Variants in KICS2 observed in about 807,000 individuals in gnomAD.
KICS2 encodes KICSTOR subunit 2.
KICS2 carries 13 observed loss-of-function variants against 31.4 expected under a neutral mutation model. That is an observed-to-expected ratio of 0.41 (90% CI 0.27 to 0.66). The LOEUF (loss-of-function observed/expected upper bound fraction) is 0.66, where lower values mean the gene tolerates loss of function less well. KICS2 is among the 30% of genes least tolerant of loss of function. The pLI is 0.28. For missense variants in KICS2, 455 were observed against 545.4 expected (o/e 0.83, Z 1.65); for synonymous variants, 209 against 214.8 (o/e 0.97, Z 0.24).
In KICS2 at chr12:64,215,901, C is replaced by T. The variant is rs769377448; in HGVS notation, c.298G>A (p.Glu100Lys). ...CGGCCAGTCACCACCTTCTTCAGCT[C>T]ATTATGCAATGAAGTATAGATGGTG... The part of the protein sequence containing the change: ...IRTIYTSLHN[E>K]LKKVVTGRGA... Residue 100 changes from glutamate to lysine, a missense_variant, in exon 2 of 3, where the codon GAG (glutamate) becomes AAG (lysine). Glu to Lys is a moderately conservative substitution (Grantham distance 56, BLOSUM62 1). Coordinates refer to ENST00000398055, the MANE Select transcript of KICS2 (RefSeq NM_152440.5). The T allele has an allele frequency of 2.5e-5, 40 of 1,613,880 alleles. No individual in the cohort carries two copies. Among genetic ancestry groups the T allele is most frequent in the Non-Finnish European group, 3.3e-5 (39 of 1,179,992 alleles).
chr12:64,202,996 C>A (rs1365048079), intron 2 of KICS2, among the ~76,000 whole-genome samples: 1 of 152,112 alleles, frequency 6.6e-6, no homozygotes, highest in Non-Finnish European at 1.5e-5. Flanking sequence ...CAGATGAGGT[C>A]ACTTTCCCCA....
intron 1 of KICS2, among the ~76,000 whole-genome samples, chr12:64,217,292 T>C (rs2037638137): frequency 2.0e-5 from 3 of 152,124 alleles, no homozygotes; most frequent in Admixed American, 2.0e-4. Context: ...GAACAGTTGG[T>C]TACCCTACTT....
chr12:64,217,123 A>G (rs998008279), intron 1 of KICS2, among the ~76,000 whole-genome samples: 1 of 152,228 alleles, frequency 6.6e-6, no homozygotes, highest in African/African-American at 2.4e-5. Flanking sequence ...GTTTCAAGAA[A>G]TGAATCTTCC....
intron 2 of KICS2, among the ~76,000 whole-genome samples, chr12:64,199,652 G>A (rs1451703199): frequency 6.7e-6 from 1 of 148,508 alleles, no homozygotes; most frequent in East Asian, 2.0e-4. Context: ...AGGAAAAGAG[G>A]AAGTCAAATT....
chr12:64,196,852 G>A lies in KICS2; in HGVS notation c.522-2194C>T, dbSNP rs567672274. ...ATCAACTGGAAGAAAGGGTATCAGC[G>A]ATGGAAGATGAAATGAATGAAATGA... On this transcript the variant is annotated intron_variant, in intron 2 of 2. Transcript: ENST00000398055. 1.1e-3 allele frequency among the ~76,000 whole-genome samples: 172 copies of A among 150,792 alleles called. 2 individuals carry two copies. Among genetic ancestry groups the A allele is most frequent in the East Asian group, 6.2e-3 (32 of 5,122 alleles).
At chr12:64,221,890 T>G in intron 1 of KICS2, 113 bp downstream of exon 1, 1 of 1,181,772 alleles carries the variant, frequency 8.5e-7, no homozygotes. Context: ...GAATGCCGAG[T>G]CGAGCCTGCG....
Position 64,222,114 on chromosome 12 carries a change from C to G in KICS2, c.124G>C (p.Glu42Gln). 6.2e-7 allele frequency: 1 copy of G among 1,614,076 alleles called. No homozygotes were observed. The highest frequency in any genetic ancestry group is 8.5e-7 in the Non-Finnish European group (1 of 1,179,956). Residue 42 changes from glutamate (E) to glutamine (Q), a missense_variant, in exon 1 of 3, where the codon GAG becomes CAG. Transcript: ENST00000398055. ...KAKDNVEKEREANKSAGGSWL... is the reference protein window; with the variant it reads ...KAKDNVEKERQANKSAGGSWL... Reference sequence around the variant, plus strand: ...CTGCCCCCCGCGCTCTTGTTGGCCTCTCGTTCCTTCTCCACATTGTCCTTA... The same window carrying G: ...CTGCCCCCCGCGCTCTTGTTGGCCTGTCGTTCCTTCTCCACATTGTCCTTA...
At chr12:64,210,079 T>C (rs1261445442) in intron 2 of KICS2, among the ~76,000 whole-genome samples, 1 of 152,216 alleles carries the variant, frequency 6.6e-6, no homozygotes, top group Non-Finnish European at 1.5e-5. Context: ...AAAATCATGT[T>C]AGTTGATACA....
chr12:64,193,414 T>C lies in KICS2; in HGVS notation c.*428A>G. The stretch of plus-strand genomic sequence containing the variant: ...TTATGAGACAGAAAACATATAGTTC[T>C]TAATTCTAAAAAGGCCATTTAATAT... On this transcript the variant is annotated 3_prime_UTR_variant, in exon 3 of 3. Transcript: ENST00000398055. 2.0e-6 allele frequency: 2 copies of C among 988,392 alleles called. No individual in the cohort carries two copies. Among genetic ancestry groups the C allele is most frequent in the Non-Finnish European group, 2.4e-6 (2 of 831,952 alleles). 61.2% of individuals were successfully genotyped at this position (988,392 alleles called of 1,614,324 possible). A position where few individuals can be genotyped will look rare whatever the true frequency, so the allele number is the denominator to read the frequency against.
Position 64,222,017 on chromosome 12 carries a change from A to C in KICS2, c.221T>G (p.Leu74Arg). Residue 74 changes from leucine to arginine, a missense_variant, in exon 1 of 3, where the codon CTG becomes CGG. By Grantham distance (102) the Leu-to-Arg change is moderately radical. Transcript: ENST00000398055. ...GGCGGAGGTACCTAGTTTCTGCCCC[A>C]GGTAGGTGAGGCTGTGATAGACCTT... ...AEKVYHSLTY[L>R]GQKLGGQSFF... 1 of 1,613,530 alleles carries C rather than the reference A, an allele frequency of 6.2e-7. No homozygotes were observed. Among genetic ancestry groups the C allele is most frequent in the Non-Finnish European group, 8.5e-7 (1 of 1,179,808 alleles).
chr12:64,195,793 C>T (rs1276175850), intron 2 of KICS2, among the ~76,000 whole-genome samples: 4 of 152,076 alleles, frequency 2.6e-5, no homozygotes, highest in African/African-American at 4.8e-5. Context: ...ACCTGGGAAG[C>T]GCAAGGGGTC....
In KICS2 at chr12:64,215,929, G is replaced by T. The variant is rs753420602; in HGVS notation, c.270C>A (p.Ile90=). ...GQSFFSRKDS[I]RTIYTSLHNE... Reference sequence around the variant, plus strand: ...TATGCAATGAAGTATAGATGGTGCGGATGGAATCCTTCCTGCTGAAGAAAG... The same window carrying T: ...TATGCAATGAAGTATAGATGGTGCGTATGGAATCCTTCCTGCTGAAGAAAG... The change falls in exon 2 of 3, where the codon ATC becomes ATA. Residue 90 remains isoleucine (I), a synonymous_variant. Transcript: ENST00000398055. 1.2e-6 allele frequency: 2 copies of T among 1,613,466 alleles called. No homozygotes were observed. The highest frequency in any genetic ancestry group is 1.7e-6 in the Non-Finnish European group (2 of 1,179,532).
downstream of KICS2, among the ~76,000 whole-genome samples, chr12:64,188,362 A>C (rs2037354928): frequency 6.6e-6 from 1 of 152,164 alleles, no homozygotes; most frequent in South Asian, 2.1e-4. Flanking sequence ...CGTCTCCACT[A>C]AACATACAAA....
downstream of KICS2, among the ~76,000 whole-genome samples, chr12:64,188,464 A>G (rs1437050390): frequency 1.3e-5 from 2 of 152,022 alleles, no homozygotes; most frequent in South Asian, 2.1e-4. Flanking sequence ...CAGAGGTTGC[A>G]GTGAGCAGAG....
In KICS2 at chr12:64,194,031, G is replaced by C; in HGVS notation, c.1149C>G (p.His383Gln). The C allele has an allele frequency of 1.2e-6, 2 of 1,614,194 alleles. No individual in the cohort carries two copies. The highest frequency in any genetic ancestry group is 1.7e-6 in the Non-Finnish European group (2 of 1,180,040). ...TACTCTGAACTTTGTCATCATAGAA[G>C]TGGACCACTTTCTCCAAGCTGTTCA... ...SDLNSLEKVV[H>Q]FYDDKVQSTY... The change falls in exon 3 of 3, where the codon CAC (histidine) becomes CAG (glutamine). Residue 383 changes from histidine (H) to glutamine (Q), a missense_variant. Coordinates refer to ENST00000398055, the MANE Select transcript of KICS2 (RefSeq NM_152440.5).
At chr12:64,210,072 A>C (rs2037570192) in intron 2 of KICS2, among the ~76,000 whole-genome samples, 1 of 152,242 alleles carries the variant, frequency 6.6e-6, no homozygotes, top group African/African-American at 2.4e-5. Flanking sequence ...AAAGGGCAAA[A>C]TCATGTTAGT....
chr12:64,193,782 G>A lies in KICS2; in HGVS notation c.*60C>T. ...TAAACTCTATTCACAGACCACCGTA[G>A]ATCATTAGGGCAATTAAGAACAGTT... is the stretch of plus-strand genomic sequence containing the variant. On this transcript the variant is annotated 3_prime_UTR_variant, in exon 3 of 3. Coordinates refer to ENST00000398055, the MANE Select transcript of KICS2 (RefSeq NM_152440.5). 1 of 1,534,026 alleles carries A rather than the reference G, an allele frequency of 6.5e-7. No individual in the cohort carries two copies. Among genetic ancestry groups the A allele is most frequent in the South Asian group, 1.3e-5 (1 of 76,378 alleles).
chr12:64,189,176 T>G (rs143877583), downstream of KICS2, among the ~76,000 whole-genome samples: 2,385 of 151,998 alleles, frequency 0.016, 30 homozygotes, highest in Middle Eastern at 0.099. Context: ...AATAAATAAA[T>G]AAAATAAAGA....
At chr12:64,187,006 C>G (rs1313577952), downstream of KICS2, 2 of 152,222 alleles carry the variant, frequency 1.3e-5, no homozygotes, top group Non-Finnish European at 2.9e-5. Flanking sequence ...CTTGTCATAA[C>G]AAAAGTGAAA....
Sources: gnomAD v4.1 joint callset for allele counts (sites outside exome capture counted in the v4.1 genomes callset) on GRCh38, gnomAD v4.1.1 for gene constraint, MANE v1.5 for transcripts, NCBI Gene and HGNC (gene_info 2026-07-23, HGNC 2026-07-21) for gene names.